BLTP1: variants seen among roughly 807,000 people sequenced by gnomAD.
BLTP1 encodes the protein fragile site-associated protein.
At chr4:122,282,716 C>T in the BLTP1 span, among the ~76,000 whole-genome samples, 238 of 152,136 alleles carry the variant, frequency 1.6e-3, no homozygotes, top group Middle Eastern at 3.4e-3. Context: ...CTTTTGCTTT[C>T]CCATATAGTT....
the BLTP1 span, among the ~76,000 whole-genome samples, chr4:122,168,698 T>A: frequency 4.6e-5 from 7 of 152,272 alleles, no homozygotes; most frequent in East Asian, 1.4e-3. Context: ...GAGAACATTT[T>A]TTACTCAGTT....
the BLTP1 span, chr4:122,188,900 T>C: frequency 1.0e-6 from 1 of 968,310 alleles, no homozygotes; most frequent in Non-Finnish European, 1.2e-6. Flanking sequence ...GCTGGCCTGG[T>C]ATTCGATTTT....
chr4:122,233,915 T>C, the BLTP1 span, among the ~76,000 whole-genome samples: 30 of 152,292 alleles, frequency 2.0e-4, no homozygotes, highest in East Asian at 5.4e-3. Context: ...TTAATAGATA[T>C]GTTCAAGAAA....
At chr4:122,278,519 T>C in the BLTP1 span, among the ~76,000 whole-genome samples, 12 of 152,196 alleles carry the variant, frequency 7.9e-5, no homozygotes, top group Admixed American at 6.5e-4. Context: ...ATTTTTCTAG[T>C]AAAGCTAGGG....
the BLTP1 span, chr4:122,315,636 C>G: frequency 6.2e-7 from 1 of 1,614,048 alleles, no homozygotes; most frequent in Non-Finnish European, 8.5e-7. Flanking sequence ...GTGAACATAG[C>G]TGACCTGTCA....
At chr4:122,203,849 TAAA>T in the BLTP1 span, 1 of 519,734 alleles carries the variant, frequency 1.9e-6, no homozygotes, top group Non-Finnish European at 2.5e-6. Context: ...CATGAGTTGT[TAAA>T]GAATAAAATA....
At chr4:122,346,535 G>T in the BLTP1 span, 1 of 1,481,752 alleles carries the variant, frequency 6.7e-7, no homozygotes. Context: ...GTATAATTCA[G>T]CTGTGTAATA....
the BLTP1 span, among the ~76,000 whole-genome samples, chr4:122,329,001 A>G: frequency 6.6e-6 from 1 of 151,738 alleles, no homozygotes; most frequent in Non-Finnish European, 1.5e-5. Flanking sequence ...GATCTATAAG[A>G]AACTCTCTGT....
chr4:122,252,554 A>G, the BLTP1 span, among the ~76,000 whole-genome samples: 1 of 152,144 alleles, frequency 6.6e-6, no homozygotes, highest in African/African-American at 2.4e-5. Context: ...GCCATGGGGT[A>G]AGGATTCTCT....
chr4:122,174,016 A>C, the BLTP1 span, among the ~76,000 whole-genome samples: 1 of 152,110 alleles, frequency 6.6e-6, no homozygotes, highest in African/African-American at 2.4e-5. Flanking sequence ...TAAATTTTTG[A>C]CTACTTAAAA....
chr4:122,240,728 T>G, the BLTP1 span, among the ~76,000 whole-genome samples: 1 of 152,204 alleles, frequency 6.6e-6, no homozygotes, highest in Non-Finnish European at 1.5e-5. Flanking sequence ...ATGCAAAGGC[T>G]TCAATGTCCA....
the BLTP1 span, among the ~76,000 whole-genome samples, chr4:122,322,049 C>G: frequency 9.2e-5 from 8 of 87,428 alleles, no homozygotes; most frequent in Admixed American, 4.9e-4. Flanking sequence ...TTTGAGCTTC[C>G]TCTATCTGTG....
At chr4:122,293,482 G>GA in the BLTP1 span, among the ~76,000 whole-genome samples, 730 of 152,158 alleles carry the variant, frequency 4.8e-3, 5 homozygotes, top group African/African-American at 0.017. Flanking sequence ...CCCTGCCAGG[G>GA]AAAACCAGGT....
At chr4:122,352,864 T>G in the BLTP1 span, 1 of 1,605,754 alleles carries the variant, frequency 6.2e-7, no homozygotes, top group South Asian at 1.1e-5. Flanking sequence ...AGGGTACTCA[T>G]TAGGCACTTC....
chr4:122,288,059 C>T, the BLTP1 span, among the ~76,000 whole-genome samples: 2 of 152,110 alleles, frequency 1.3e-5, no homozygotes, highest in East Asian at 3.9e-4. Context: ...TTCAAAGACT[C>T]TAAAATTGCA....
At chr4:122,168,366 T>G in the BLTP1 span, among the ~76,000 whole-genome samples, 3 of 152,212 alleles carry the variant, frequency 2.0e-5, no homozygotes, top group Non-Finnish European at 4.4e-5. Context: ...TTCCTTTTTA[T>G]GTGGAGACTT....
At chr4:122,274,304 T>C in the BLTP1 span, 4 of 1,052,886 alleles carry the variant, frequency 3.8e-6, no homozygotes, top group Non-Finnish European at 4.4e-6. Flanking sequence ...AAGTATCTTA[T>C]ATCCAGAATT....
the BLTP1 span, among the ~76,000 whole-genome samples, chr4:122,205,499 T>TTCTC: frequency 0.015 from 2,073 of 140,886 alleles, 100 homozygotes; most frequent in African/African-American, 0.052. Context: ...TTCCAATTGT[T>TTCTC]TCTCTCTCTC....
At chr4:122,335,329 G>A in the BLTP1 span, among the ~76,000 whole-genome samples, 4 of 152,094 alleles carry the variant, frequency 2.6e-5, no homozygotes, top group Admixed American at 6.6e-5. Context: ...AGGTCAGTAC[G>A]GAAGTAAACT....
Sources: allele counts gnomAD v4.1 joint callset (sites outside exome capture counted in the v4.1 genomes callset), GRCh38; gene constraint gnomAD v4.1.1; transcripts MANE v1.5; gene names NCBI Gene and HGNC (gene_info 2026-07-23, HGNC 2026-07-21).